Variants in ISLR2 observed in about 807,000 individuals in gnomAD.
ISLR2 encodes the protein immunoglobulin superfamily containing leucine rich repeat 2.
Under a neutral mutation model 25.5 loss-of-function variants are expected in ISLR2, and 16 were observed. The observed-to-expected ratio is 0.63, with a 90% CI of 0.43 to 0.95. ISLR2 has a LOEUF of 0.95. Among genes scored for constraint, ISLR2 ranks in the 40% least tolerant of loss-of-function variants. The pLI is 0.00. For missense variants in ISLR2, 883 were observed against 1,030.7 expected (o/e 0.86, Z 1.96); for synonymous variants, 508 against 486.6 (o/e 1.04, Z -0.58).
intron 2 of ISLR2, among the ~76,000 whole-genome samples, chr15:74,109,952 G>A (rs1187760037): frequency 6.6e-6 from 1 of 152,068 alleles, no homozygotes; most frequent in Non-Finnish European, 1.5e-5. Flanking sequence ...ATGCCACCAC[G>A]CCCGGATGTT....
At chr15:74,127,302 T>G (rs1199975647), upstream of ISLR2, 3 of 152,210 alleles carry the variant, frequency 2.0e-5, no homozygotes, top group African/African-American at 4.8e-5. Flanking sequence ...AGATTTTTTT[T>G]TCCAGATCTC....
rs767836434 is a variant in ISLR2 at position 74,134,592 on chromosome 15, G to A, written c.1838G>A (p.Cys613Tyr). ...LATVPLLGAACCHLLAKHPGK... is the reference protein window; with the variant it reads ...LATVPLLGAAYCHLLAKHPGK... ...ACAGTGCCCCTTCTGGGCGCCGCCT[G>A]CTGCCATCTGCTGGCTAAACACCCG... The change falls in exon 3 of 3, where the codon TGC becomes TAC. Residue 613 changes from cysteine to tyrosine, a missense_variant. This residue lies in a region of ISLR2 where 612 missense variants were observed against 642.8 expected (regional missense o/e 0.95). Coordinates refer to ENST00000453268, the MANE Select transcript of ISLR2 (RefSeq NM_020851.3). The A allele has an allele frequency of 1.9e-6, 3 of 1,614,058 alleles. No homozygotes were observed. In the Admixed American group the frequency reaches 5.0e-5, roughly 27 times the overall value.
chr15:74,131,826 TC>T lies in ISLR2; in HGVS notation c.-9+514del, dbSNP rs1457789443. 4.6e-5 allele frequency: 7 copies of T among 152,348 alleles called. No homozygotes were observed. In the South Asian group the frequency reaches 1.2e-3, roughly 27 times the overall value. 9.4% of individuals were successfully genotyped at this position (152,348 alleles called of 1,614,324 possible). On this transcript the variant is annotated intron_variant, in intron 2 of 2. Transcript: ENST00000453268. ...AAGGTTGGCAGAGCAGCCCTTCTTC[TC>T]CCCTCACAGGAGCTGCAGCCCCGGG...
At chr15:74,123,515 C>T (rs1334155977), upstream of ISLR2, among the ~76,000 whole-genome samples, 1 of 152,214 alleles carries the variant, frequency 6.6e-6, no homozygotes, top group African/African-American at 2.4e-5. Flanking sequence ...TTGCTTAAGA[C>T]CACTTAGAGA....
intron 2 of ISLR2, among the ~76,000 whole-genome samples, chr15:74,121,537 G>A (rs1203111522): frequency 6.6e-6 from 1 of 152,112 alleles, no homozygotes; most frequent in African/African-American, 2.4e-5. Flanking sequence ...GAATGTGACA[G>A]ACCCAACCCC....
intron 2 of ISLR2, among the ~76,000 whole-genome samples, chr15:74,113,609 G>A (rs2072187981): frequency 6.6e-6 from 1 of 152,178 alleles, no homozygotes; most frequent in African/African-American, 2.4e-5. Flanking sequence ...TTTTGGCAGG[G>A]AATTAAATTG....
intron 2 of ISLR2, among the ~76,000 whole-genome samples, chr15:74,117,819 A>G (rs935993595): frequency 3.3e-5 from 5 of 152,130 alleles, no homozygotes; most frequent in Non-Finnish European, 7.4e-5. Flanking sequence ...CCTTCCTACC[A>G]ATTAAGTTAA....
At chr15:74,126,930 GTGTGTGTGTGTGTGTGTGTGTGTC>G (rs1285582576), upstream of ISLR2, 63 of 151,864 alleles carry the variant, frequency 4.1e-4, no homozygotes, top group African/African-American at 1.4e-3. Context: ...GTGTGTGTGT[GTGTGTGTGTGTGTGTGTGTGTGTC>G]TGTGCGCGCA....
chr15:74,140,159 A>G (rs942273314), downstream of ISLR2, among the ~76,000 whole-genome samples: 1 of 152,182 alleles, frequency 6.6e-6, no homozygotes, highest in Non-Finnish European at 1.5e-5. Context: ...GTCCATTAAT[A>G]TAAAAGAACA....
At chr15:74,104,661 T>C (rs1233052042) in intron 2 of ISLR2, among the ~76,000 whole-genome samples, 2 of 151,650 alleles carry the variant, frequency 1.3e-5, no homozygotes, top group African/African-American at 2.4e-5. Flanking sequence ...TGCGCTCTGA[T>C]AGTCCCAGCT....
chr15:74,122,086 G>T (rs1378037066), intron 2 of ISLR2, among the ~76,000 whole-genome samples: 1 of 152,196 alleles, frequency 6.6e-6, no homozygotes, highest in Non-Finnish European at 1.5e-5. Flanking sequence ...AGCCTCAAGG[G>T]CCTCCTAATC....
Position 74,135,031 on chromosome 15 carries a change from C to A in ISLR2, c.*39C>A. The A allele has an allele frequency of 6.3e-7, 1 of 1,591,340 alleles. No homozygotes were observed. The highest frequency in any genetic ancestry group is 1.1e-5 in the South Asian group (1 of 87,540). ...CGGCCCGCCCATTCCCGACCTCCAC[C>A]TAGGGTGCCTGGGAGCAGCAGTCTA... On this transcript the variant is annotated 3_prime_UTR_variant, in exon 3 of 3. Coordinates refer to ENST00000453268, the MANE Select transcript of ISLR2 (RefSeq NM_020851.3).
chr15:74,127,493 G>T (rs1023333289), upstream of ISLR2: 1 of 152,410 alleles, frequency 6.6e-6, no homozygotes, highest in South Asian at 2.1e-4. Context: ...TAGTGGACCA[G>T]AGGTTGCTGA....
At chr15:74,116,389 C>A (rs1458919510) in intron 2 of ISLR2, among the ~76,000 whole-genome samples, 22 of 149,830 alleles carry the variant, frequency 1.5e-4, no homozygotes, top group Non-Finnish European at 2.8e-4. Context: ...CATAATGAGG[C>A]CTCATCTCTA....
chr15:74,124,833 G>C (rs2072280404), upstream of ISLR2, among the ~76,000 whole-genome samples: 1 of 152,312 alleles, frequency 6.6e-6, no homozygotes, highest in Non-Finnish European at 1.5e-5. Context: ...TGACACCAAG[G>C]CACCAAGGGA....
chr15:74,139,499 TCA>T (rs1257229594), downstream of ISLR2, among the ~76,000 whole-genome samples: 1 of 152,252 alleles, frequency 6.6e-6, no homozygotes, highest in Admixed American at 6.5e-5. Flanking sequence ...GAATTCATTT[TCA>T]CAGTGTCCCC....
At chr15:74,129,769 G>A (rs561053128), upstream of ISLR2, 1 of 151,964 alleles carries the variant, frequency 6.6e-6, no homozygotes, top group Non-Finnish European at 1.5e-5. This position sits in a 1 kb window ranked among gnomAD's most constrained non-coding sequence, Gnocchi z 4.5. Flanking sequence ...GCGGCTTGGG[G>A]GATAGTGCGT....
intron 2 of ISLR2, among the ~76,000 whole-genome samples, chr15:74,113,946 C>G (rs547470226): frequency 2.6e-5 from 4 of 152,354 alleles, no homozygotes; most frequent in Admixed American, 6.5e-5. Context: ...GGCCAAGGAC[C>G]TGCAGCAACC....
At chr15:74,117,279 A>C (rs1173544528) in intron 2 of ISLR2, among the ~76,000 whole-genome samples, 1 of 152,138 alleles carries the variant, frequency 6.6e-6, no homozygotes, top group Non-Finnish European at 1.5e-5. Context: ...CCTCCCCTAC[A>C]ATCCATGAGC....
Sources: gnomAD v4.1 joint callset for allele counts (sites outside exome capture counted in the v4.1 genomes callset) on GRCh38, gnomAD v4.1.1 for gene constraint, gnomAD v4.1.1 regional missense constraint, Gnocchi (gnomAD v3.1) non-coding constraint, MANE v1.5 for transcripts, NCBI Gene and HGNC (gene_info 2026-07-23, HGNC 2026-07-21) for gene names.